Variants in HOMER1 observed in about 807,000 individuals in gnomAD.
The protein encoded by HOMER1 is homer protein homolog 1.
In HOMER1, 3 loss-of-function variants were observed where a neutral mutation model predicts 48.9. The ratio of observed to expected loss-of-function variants is 0.06; its 90% CI spans 0.03 to 0.16. The LOEUF (loss-of-function observed/expected upper bound fraction) is 0.16, where lower values mean the gene tolerates loss of function less well. Ranked by LOEUF, HOMER1 falls within the 10% of genes least tolerant of loss-of-function variation. HOMER1 has a pLI of 1.00. For missense variants in HOMER1, 247 were observed against 411.4 expected (o/e 0.60, Z 3.46); for synonymous variants, 134 against 146.4 (o/e 0.92, Z 0.61).
intron 5 of HOMER1, among the ~76,000 whole-genome samples, chr5:79,432,585 C>T (rs563361595): frequency 6.6e-6 from 1 of 152,028 alleles, no homozygotes; most frequent in South Asian, 2.1e-4. Context: ...TAGTGCTTGA[C>T]AAAATGGTTT....
At chr5:79,389,269 A>AG (rs1313576333) in intron 8 of HOMER1, among the ~76,000 whole-genome samples, 1 of 152,200 alleles carries the variant, frequency 6.6e-6, no homozygotes, top group Non-Finnish European at 1.5e-5. Context: ...TGAATACATG[A>AG]GAAAAAAAAA....
rs1213548429 is a variant in HOMER1, at chr5:79,402,045, T to C, written c.538A>G (p.Ser180Gly). 2 of 1,612,910 alleles carry C rather than the reference T, an allele frequency of 1.2e-6. No homozygotes were observed. The change falls in exon 6 of 9, where the codon AGC becomes GGC. Residue 180 changes from serine to glycine, a missense_variant. Ser to Gly is a moderately conservative substitution (Grantham distance 56, BLOSUM62 0). Around this residue, in one of 4 missense-constraint regions of HOMER1, gnomAD observed 94 missense variants for 112.4 expected, o/e 0.84. Transcript: ENST00000334082. ...ALPFSHSSAI[S>G]KHWEAELATL... ...GCCAGTTCAGCCTCCCAATGTTTGC[T>C]GATTGCTGAACTAAAATAAAACAAA...
At chr5:79,409,694 T>A (rs1026497969) in intron 5 of HOMER1, among the ~76,000 whole-genome samples, 4 of 152,060 alleles carry the variant, frequency 2.6e-5, no homozygotes, top group African/African-American at 9.7e-5. Flanking sequence ...ACAATAACAA[T>A]TTAAAAATGA....
chr5:79,439,225 C>G (rs1750678864), intron 4 of HOMER1, 76 bp from the exon 5 acceptor site: 1 of 1,460,066 alleles, frequency 6.8e-7, no homozygotes, highest in Non-Finnish European at 9.4e-7. Context: ...GAGGTTAAAA[C>G]TGCCTTTGAT....
intron 8 of HOMER1, among the ~76,000 whole-genome samples, chr5:79,383,586 A>G (rs1749034760): frequency 6.6e-6 from 1 of 151,918 alleles, no homozygotes; most frequent in Non-Finnish European, 1.5e-5. Context: ...GAGTTTCACC[A>G]TGTTGGCCAG....
In HOMER1 at chr5:79,460,012, T is replaced by TTTTC. The variant is rs145360822; in HGVS notation, c.6-2998_6-2995dup. Among the ~76,000 whole-genome samples the TTTTC allele has an allele frequency of 7.3e-5, 6 of 82,516 alleles. No individual in the cohort carries two copies. The South Asian group carries it at 1.7e-3, about 23-fold the overall frequency. The allele number at this position is 82,516 out of a possible 152,430, so 54.1% of individuals were successfully genotyped here. ...TTATAAACACGAAATAGTTTTGCTTTTTTCTTTCTTTCTTTCTTTTCTTTA... is the reference window on the plus strand; with the variant it reads ...TTATAAACACGAAATAGTTTTGCTTTTTTCTTTCTTTCTTTCTTTCTTTTCTTTA... On this transcript the variant is annotated intron_variant, in intron 1 of 8. Transcript: ENST00000334082.
chr5:79,499,345 T>C lies in HOMER1; in HGVS notation c.5+13425A>G, dbSNP rs374902362. ...ACATTTTAATATCAACTTTGAAAAC[T>C]CTATACCAAACACATGTAATAAATC... On this transcript the variant is annotated intron_variant, in intron 1 of 8. Transcript: ENST00000334082. Among the ~76,000 whole-genome samples, 21 of 152,290 alleles carry C rather than the reference T, an allele frequency of 1.4e-4. No homozygotes were observed. In the East Asian group the frequency reaches 2.3e-3, roughly 17 times the overall value.
rs549015204 is a variant in HOMER1, at chr5:79,492,945, GTC to G, written c.5+19823_5+19824del. Among the ~76,000 whole-genome samples, 21 of 113,282 alleles carry G rather than the reference GTC, an allele frequency of 1.9e-4. No homozygotes were observed. The East Asian group carries it at 5.6e-3, about 30-fold the overall frequency. 74.3% of individuals were successfully genotyped at this position (113,282 alleles called of 152,430 possible). A position where few individuals can be genotyped will look rare whatever the true frequency, so the allele number is the denominator to read the frequency against. Reference sequence around the variant, plus strand: ...TTTTTTTTTTTTTTTTAAAGACAGAGTCTCACTCTGTTGCCCAGGCTGGAGTG... The same window carrying G: ...TTTTTTTTTTTTTTTTAAAGACAGAGTCACTCTGTTGCCCAGGCTGGAGTG... On this transcript the variant is annotated intron_variant, in intron 1 of 8. Transcript: ENST00000334082.
chr5:79,476,843 T>C (rs370166157), intron 1 of HOMER1, among the ~76,000 whole-genome samples: 58 of 152,144 alleles, frequency 3.8e-4, no homozygotes, highest in African/African-American at 1.3e-3. Context: ...CAAAATGTGA[T>C]TGGACAAAAA....
At chr5:79,383,569 A>G (rs572584701) in intron 8 of HOMER1, among the ~76,000 whole-genome samples, 2 of 152,124 alleles carry the variant, frequency 1.3e-5, no homozygotes, top group African/African-American at 4.8e-5. Flanking sequence ...TATTTTTAGT[A>G]GAGACAGAGT....
intron 8 of HOMER1, among the ~76,000 whole-genome samples, chr5:79,384,120 A>C (rs1284444531): frequency 6.6e-6 from 1 of 151,544 alleles, no homozygotes; most frequent in Non-Finnish European, 1.5e-5. Flanking sequence ...AAAAAAAAAA[A>C]ACCACCAAAC....
chr5:79,512,958 G>T lies in HOMER1; in HGVS notation c.-184C>A. The T allele has an allele frequency of 1.7e-6, 1 of 604,652 alleles. No individual in the cohort carries two copies. The highest frequency in any genetic ancestry group is 2.0e-5 in the South Asian group (1 of 50,382). 37.5% of individuals were successfully genotyped at this position (604,652 alleles called of 1,614,324 possible). A position where few individuals can be genotyped will look rare whatever the true frequency, so the allele number is the denominator to read the frequency against. ...TCTTAGGTAAAATGATTTCTCTCTT[G>T]TAAATACCAAAACGTTCAAACAGAG... On this transcript the variant is annotated 5_prime_UTR_variant, in exon 1 of 9. An upstream open reading frame in the 5' UTR gains an earlier in-frame stop. Transcript: ENST00000334082.
chr5:79,429,592 C>T (rs891767510), intron 5 of HOMER1, among the ~76,000 whole-genome samples: 2 of 152,120 alleles, frequency 1.3e-5, no homozygotes, highest in Non-Finnish European at 2.9e-5. Flanking sequence ...GACCAAAGAC[C>T]TAAATCTAAG....
chr5:79,404,569 C>T (rs1561350550), intron 5 of HOMER1, among the ~76,000 whole-genome samples: 1 of 152,178 alleles, frequency 6.6e-6, no homozygotes, highest in Non-Finnish European at 1.5e-5. Context: ...ATTTGAGACA[C>T]ATTTCATGCA....
At chr5:79,488,483 CTTTGAG>C (rs1752180553) in intron 1 of HOMER1, among the ~76,000 whole-genome samples, 1 of 152,194 alleles carries the variant, frequency 6.6e-6, no homozygotes, top group South Asian at 2.1e-4. Context: ...ACATCAGTCT[CTTTGAG>C]TTTTAGTATG....
chr5:79,499,697 T>C (rs551626763), intron 1 of HOMER1, among the ~76,000 whole-genome samples: 49 of 152,266 alleles, frequency 3.2e-4, no homozygotes, highest in South Asian at 2.9e-3. Context: ...TTACAGACCA[T>C]ACATGGCACA....
intron 1 of HOMER1, among the ~76,000 whole-genome samples, chr5:79,458,268 G>A (rs1446081857): frequency 6.6e-6 from 1 of 151,988 alleles, no homozygotes; most frequent in African/African-American, 2.4e-5. Context: ...TATCTTGGAA[G>A]CAGCATTTAT....
intron 1 of HOMER1, among the ~76,000 whole-genome samples, chr5:79,481,474 G>C (rs1046255861): frequency 2.6e-5 from 4 of 152,192 alleles, no homozygotes; most frequent in Non-Finnish European, 5.9e-5. Context: ...CTGAGTTTAA[G>C]ACAAAGTTGA....
chr5:79,416,171 T>G (rs1749937854), intron 5 of HOMER1, among the ~76,000 whole-genome samples: 1 of 152,232 alleles, frequency 6.6e-6, no homozygotes, highest in African/African-American at 2.4e-5. Context: ...ACAGAAATAA[T>G]TTAAATCAAA....
Sources: allele counts gnomAD v4.1 joint callset (sites outside exome capture counted in the v4.1 genomes callset), GRCh38; gene constraint gnomAD v4.1.1; regional missense constraint gnomAD v4.1.1; transcripts MANE v1.5; gene names NCBI Gene and HGNC (gene_info 2026-07-23, HGNC 2026-07-21).